ZNF782: variants seen among roughly 807,000 people sequenced by gnomAD.
ZNF782 encodes the protein zinc finger protein 782.
ZNF782 carries 12 observed loss-of-function variants against 13.0 expected under a neutral mutation model. The observed-to-expected ratio is 0.92, with a 90% confidence interval of 0.59 to 1.50. ZNF782 has a LOEUF of 1.50. Among genes scored for constraint, ZNF782 ranks in the 40% most tolerant of loss-of-function variants. ZNF782 has a pLI of 0.00. For missense variants in ZNF782, 770 were observed against 822.9 expected (o/e 0.94, Z 0.79); for synonymous variants, 284 against 283.0 (o/e 1.00, Z -0.04).
chr9:96,882,112 T>C, the ZNF782 span, among the ~76,000 whole-genome samples: 1 of 152,032 alleles, frequency 6.6e-6, no homozygotes, highest in Non-Finnish European at 1.5e-5. Context: ...AATAGTTAAC[T>C]ATTTAATATT....
chr9:96,926,527 G>T, the ZNF782 span, among the ~76,000 whole-genome samples: 1,677 of 151,940 alleles, frequency 0.011, 23 homozygotes, highest in African/African-American at 0.038. Flanking sequence ...AAAGGCCTGG[G>T]AGCATCCAGA....
At chr9:96,836,326 C>A (rs1268232437) in intron 4 of ZNF782, among the ~76,000 whole-genome samples, 1 of 151,874 alleles carries the variant, frequency 6.6e-6, no homozygotes, top group Admixed American at 6.6e-5. Flanking sequence ...GCTTCTCCTG[C>A]CTCAGCCTCC....
chr9:96,844,811 T>C lies in ZNF782; in HGVS notation c.142+79A>G, dbSNP rs140954167. On this transcript the variant is annotated intron_variant, in intron 4 of 5. Transcript: ENST00000481138. ...GAATTGCACTGTAGAGGGAGTCACA[T>C]GGTACGGTATGGAGAGAGAGAAAGA... The C allele has an allele frequency of 1.4e-4, 229 of 1,601,300 alleles. No individual in the cohort carries two copies. In the East Asian group the frequency reaches 4.8e-3, roughly 34 times the overall value.
chr9:96,844,937 A>G lies in ZNF782; in HGVS notation c.95T>C (p.Leu32Pro), dbSNP rs1851300793. 1 of 1,613,986 alleles carries G rather than the reference A, an allele frequency of 6.2e-7. No individual in the cohort carries two copies. Among genetic ancestry groups the G allele is most frequent in the Non-Finnish European group, 8.5e-7 (1 of 1,179,930 alleles). The change falls in exon 4 of 6, where the codon CTG (leucine) becomes CCG (proline). Residue 32 changes from leucine (L) to proline (P), a missense_variant. By Grantham distance (98) the Leu-to-Pro change is moderately conservative. Transcript: ENST00000481138. ...WQHMGPVERT[L>P]YRDVMLENYS... ...GTTCTCCAGCATCACATCTCTGTACAGGGTCCTCTCAACAGGGCCCATGTG... is the reference window on the plus strand; with the variant it reads ...GTTCTCCAGCATCACATCTCTGTACGGGGTCCTCTCAACAGGGCCCATGTG...
chr9:96,879,057 G>T (rs911832950), upstream of ZNF782, among the ~76,000 whole-genome samples: 1 of 152,160 alleles, frequency 6.6e-6, no homozygotes, highest in Non-Finnish European at 1.5e-5. Flanking sequence ...GAAAGAAAGT[G>T]GTCCAAACAT....
At chr9:96,868,945 C>T (rs181582765) in intron 1 of ZNF782, among the ~76,000 whole-genome samples, 8 of 152,178 alleles carry the variant, frequency 5.3e-5, no homozygotes, top group Admixed American at 3.3e-4. Context: ...ATAATGATGT[C>T]GATGTTCCTG....
intron 2 of ZNF782, among the ~76,000 whole-genome samples, chr9:96,852,260 T>C (rs1366540704): frequency 6.6e-6 from 1 of 152,254 alleles, no homozygotes; most frequent in Non-Finnish European, 1.5e-5. Context: ...ACAATGCACA[T>C]GTGCTTCTAA....
At chr9:96,879,068 A>G (rs1851930165), upstream of ZNF782, among the ~76,000 whole-genome samples, 4 of 152,266 alleles carry the variant, frequency 2.6e-5, no homozygotes, top group South Asian at 8.3e-4. Context: ...GTCCAAACAT[A>G]TATTCATTCA....
chr9:96,876,034 C>T (rs1266606695), upstream of ZNF782, among the ~76,000 whole-genome samples: 1 of 152,218 alleles, frequency 6.6e-6, no homozygotes, highest in Non-Finnish European at 1.5e-5. Context: ...ATGTTCCTGA[C>T]TGCCTCGCCT....
At chr9:96,859,036 C>T (rs112842091), upstream of ZNF782, among the ~76,000 whole-genome samples, 9 of 152,146 alleles carry the variant, frequency 5.9e-5, 1 homozygote, top group African/African-American at 1.9e-4. Flanking sequence ...TGCCCACCCA[C>T]GGAGGGAACA....
chr9:96,927,906 T>C, the ZNF782 span, among the ~76,000 whole-genome samples: 2 of 149,990 alleles, frequency 1.3e-5, no homozygotes, highest in South Asian at 4.2e-4. Context: ...CTGGGACAAA[T>C]ACAGTCACTG....
the ZNF782 span, among the ~76,000 whole-genome samples, chr9:96,912,819 G>A: frequency 7.9e-5 from 12 of 151,708 alleles, no homozygotes; most frequent in Middle Eastern, 3.4e-3. Flanking sequence ...GAGCCACTGC[G>A]CCCGGCCTTT....
chr9:96,863,212 T>C (rs1315010474), intron 1 of ZNF782, among the ~76,000 whole-genome samples: 1 of 152,226 alleles, frequency 6.6e-6, no homozygotes, highest in Non-Finnish European at 1.5e-5. Context: ...ATCAGATTTT[T>C]CTTAAAACTT....
At chr9:96,923,848 CTT>C in the ZNF782 span, among the ~76,000 whole-genome samples, 4 of 137,580 alleles carry the variant, frequency 2.9e-5, no homozygotes, top group African/African-American at 5.3e-5. Flanking sequence ...TTTACTTTTC[CTT>C]TTTTTTTTTG....
chr9:96,906,407 G>GC, the ZNF782 span, among the ~76,000 whole-genome samples: 4 of 149,804 alleles, frequency 2.7e-5, no homozygotes, highest in African/African-American at 1.0e-4. Flanking sequence ...CCACAAGACT[G>GC]CCCCCCACTT....
At chr9:96,895,652 T>C in the ZNF782 span, 9 of 152,204 alleles carry the variant, frequency 5.9e-5, no homozygotes, top group African/African-American at 2.2e-4. Context: ...GGTTCTGAAC[T>C]CAGACTCAGG....
Position 96,864,877 on chromosome 9 carries a change from TAAAAAAA to T in ZNF782, c.-456-3281_-456-3275del, listed in dbSNP as rs35546553. On this transcript the variant is annotated intron_variant, in intron 1 of 5. Coordinates refer to the ZNF782 transcript ENST00000498811. ...GAGACCCTATCTCCACAAAAAGAAC[TAAAAAAA>T]AAAAAAAAAAAAAAATCCCAGCTCA... Among the ~76,000 whole-genome samples, 336 of 92,818 alleles carry T rather than the reference TAAAAAAA, an allele frequency of 3.6e-3. 2 individuals are homozygous for T. Among genetic ancestry groups the T allele is most frequent in the African/African-American group, 0.012 (316 of 26,518 alleles). 60.9% of individuals were successfully genotyped at this position (92,818 alleles called of 152,430 possible).
At chr9:96,867,689 T>G (rs766249518) in intron 1 of ZNF782, among the ~76,000 whole-genome samples, 12 of 152,202 alleles carry the variant, frequency 7.9e-5, no homozygotes, top group Non-Finnish European at 1.6e-4. Flanking sequence ...ATCTGATCAC[T>G]ATTGTGGTGC....
the ZNF782 span, among the ~76,000 whole-genome samples, chr9:96,901,876 A>G: frequency 6.7e-6 from 1 of 149,748 alleles, no homozygotes; most frequent in African/African-American, 2.4e-5. Context: ...TCTCAAAAAA[A>G]AAAAAAAAAA....
Sources: allele counts gnomAD v4.1 joint callset (sites outside exome capture counted in the v4.1 genomes callset), GRCh38; gene constraint gnomAD v4.1.1; transcripts MANE v1.5; gene names NCBI Gene and HGNC (gene_info 2026-07-23, HGNC 2026-07-21).